The following CWF19L1 variants were observed in gnomAD, a reference collection of about 807,000 sequenced individuals.
The protein encoded by CWF19L1 is CWF19-like protein 1.
A neutral mutation model predicts 69.7 loss-of-function variants in CWF19L1; 60 were observed. That is an observed-to-expected ratio of 0.86 (90% CI 0.70 to 1.07). The LOEUF (loss-of-function observed/expected upper bound fraction) is 1.07. Ranked by LOEUF, CWF19L1 falls within the 50% of genes least tolerant of loss-of-function variation. CWF19L1 has a pLI of 0.00. For missense variants in CWF19L1, 591 were observed against 638.9 expected (o/e 0.92, Z 0.81); for synonymous variants, 209 against 222.2 (o/e 0.94, Z 0.53).
At chr10:100,253,757 T>G (rs908545042) in intron 5 of CWF19L1, 1 of 431,254 alleles carries the variant, frequency 2.3e-6, no homozygotes, top group Admixed American at 4.2e-5. Flanking sequence ...GAACAACTGT[T>G]GGAAGCCAGA....
At position 100,256,465 on chromosome 10, in the gene CWF19L1, T is replaced by C. The variant is rs1482401129; in HGVS notation, c.301A>G (p.Ile101Val). 3 of 1,614,158 alleles carry C rather than the reference T, an allele frequency of 1.9e-6. No individual in the cohort carries two copies. The highest frequency in any genetic ancestry group is 1.1e-5 in the South Asian group (1 of 91,090). Residue 101 changes from isoleucine (I) to valine (V), a missense_variant, in exon 5 of 14, where the codon ATC becomes GTC. Transcript: ENST00000354105. The part of the protein sequence containing the change: ...ENITYLGRKG[I>V]FTGSSGLQIV... ...TGCAGCCCCGAGCTTCCAGTGAAGA[T>C]ACCTTTACGACCTGGGTTCAAAGAA...
intron 13 of CWF19L1, among the ~76,000 whole-genome samples, 160 bp downstream of exon 13, chr10:100,235,507 A>G (rs1023662336): frequency 1.3e-5 from 2 of 152,186 alleles, no homozygotes; most frequent in Admixed American, 1.3e-4. Context: ...CACATTCTAC[A>G]TTACATTACT....
intron 7 of CWF19L1, 125 bp from the exon 8 acceptor site, chr10:100,247,060 C>T: frequency 1.2e-6 from 1 of 821,550 alleles, no homozygotes; most frequent in Non-Finnish European, 1.8e-6. Flanking sequence ...AGAACAGCAA[C>T]CAGCCCATCC....
In CWF19L1 at chr10:100,245,836, G is replaced by C; in HGVS notation, c.927C>G (p.Ser309Arg). 6.2e-7 allele frequency: 1 copy of C among 1,614,166 alleles called. No individual in the cohort carries two copies. Among genetic ancestry groups the C allele is most frequent in the Non-Finnish European group, 8.5e-7 (1 of 1,179,992 alleles). ...GCTGCTTTGGATGAGGAGAAGATTT[G>C]CTATCTCTACCTGTGGATGAACGCT... ...GRKRSSTGRDSKSSPHPKQPR... is the reference protein window; with the variant it reads ...GRKRSSTGRDRKSSPHPKQPR... Residue 309 changes from serine (S) to arginine (R), a missense_variant, in exon 9 of 14, where the codon AGC becomes AGG. Ser to Arg is a moderately radical substitution (Grantham distance 110). This residue lies in a region of CWF19L1 where 458 missense variants were observed against 489.3 expected (regional missense o/e 0.94). Transcript: ENST00000354105.
At chr10:100,264,221 A>C (rs1389359343) in intron 1 of CWF19L1, among the ~76,000 whole-genome samples, 1 of 152,246 alleles carries the variant, frequency 6.6e-6, no homozygotes, top group African/African-American at 2.4e-5. Context: ...AATGATAATA[A>C]ACAACTATGT....
intron 4 of CWF19L1, among the ~76,000 whole-genome samples, chr10:100,259,582 T>C (rs1401224930): frequency 6.6e-6 from 1 of 152,190 alleles, no homozygotes; most frequent in Admixed American, 6.6e-5. Flanking sequence ...ACATAATTTA[T>C]ACCTTAAGTA....
intron 11 of CWF19L1, chr10:100,237,402 A>C (rs1846480603): frequency 2.5e-6 from 1 of 397,660 alleles, no homozygotes; most frequent in African/African-American, 2.1e-5. Flanking sequence ...GCCTCCACAC[A>C]AAATACTCAC....
At chr10:100,243,505 G>A (rs1846703476) in intron 10 of CWF19L1, among the ~76,000 whole-genome samples, 193 bp downstream of exon 10, 1 of 152,164 alleles carries the variant, frequency 6.6e-6, no homozygotes, top group African/African-American at 2.4e-5. Flanking sequence ...ATGGGCATAA[G>A]AGATCTTACT....
chr10:100,262,534 C>G (rs1268215580), intron 1 of CWF19L1: 1 of 876,292 alleles, frequency 1.1e-6, no homozygotes, highest in Non-Finnish European at 1.4e-6. Context: ...ACGCTAAGTA[C>G]AATATGCCAA....
intron 5 of CWF19L1, 119 bp from the exon 6 acceptor site, chr10:100,253,658 G>A: frequency 1.6e-6 from 1 of 618,108 alleles, no homozygotes; most frequent in South Asian, 2.2e-5. Flanking sequence ...GTGGACAGAA[G>A]GAACTGCACA....
chr10:100,233,138 A>T lies in CWF19L1; in HGVS notation c.*89T>A. 7.4e-7 allele frequency: 1 copy of T among 1,352,792 alleles called. No individual in the cohort carries two copies. Among genetic ancestry groups the T allele is most frequent in the Non-Finnish European group, 9.9e-7 (1 of 1,007,554 alleles). 83.8% of individuals were successfully genotyped at this position (1,352,792 alleles called of 1,614,324 possible). Reference sequence around the variant, plus strand: ...AATCCTGCTTGGGTGACAGAGCGAGACTTTGTCTCAAAAAAAATTCTTTTA... The same window carrying T: ...AATCCTGCTTGGGTGACAGAGCGAGTCTTTGTCTCAAAAAAAATTCTTTTA... On this transcript the variant is annotated 3_prime_UTR_variant, in exon 14 of 14. Coordinates refer to ENST00000354105, the MANE Select transcript of CWF19L1 (RefSeq NM_018294.6).
intron 10 of CWF19L1, among the ~76,000 whole-genome samples, chr10:100,240,147 C>T (rs1270592555): frequency 3.9e-5 from 6 of 152,164 alleles, no homozygotes; most frequent in African/African-American, 1.4e-4. Flanking sequence ...CTGTTCTATA[C>T]TAGAATTATC....
At chr10:100,264,270 G>C (rs572597577) in intron 1 of CWF19L1, among the ~76,000 whole-genome samples, 1 of 152,318 alleles carries the variant, frequency 6.6e-6, no homozygotes, top group Non-Finnish European at 1.5e-5. Context: ...CTATGGCCAG[G>C]TGCGGTGGCT....
intron 10 of CWF19L1, among the ~76,000 whole-genome samples, chr10:100,241,098 C>G (rs1471218314): frequency 6.7e-6 from 1 of 148,452 alleles, no homozygotes; most frequent in African/African-American, 2.5e-5. Flanking sequence ...ACCTCCACCT[C>G]CCAGGTTCAA....
intron 7 of CWF19L1, among the ~76,000 whole-genome samples, chr10:100,247,916 T>G (rs1846883253): frequency 6.6e-6 from 1 of 151,836 alleles, no homozygotes; most frequent in East Asian, 1.9e-4. Context: ...ACAAAAACTT[T>G]GACTTGATCC....
intron 10 of CWF19L1, among the ~76,000 whole-genome samples, chr10:100,240,357 CAAAA>C (rs1456341971): frequency 4.6e-5 from 7 of 151,856 alleles, no homozygotes; most frequent in Admixed American, 4.6e-4. Flanking sequence ...ATTTAAAAAA[CAAAA>C]AAAGGCAATC....
chr10:100,262,901 C>T (rs959241255), intron 1 of CWF19L1, among the ~76,000 whole-genome samples: 2 of 151,004 alleles, frequency 1.3e-5, no homozygotes, highest in African/African-American at 4.9e-5. Context: ...CTCTTTCTGG[C>T]GTGCTTTTAT....
chr10:100,264,211 AATG>A (rs1301826805), intron 1 of CWF19L1, among the ~76,000 whole-genome samples: 1 of 152,260 alleles, frequency 6.6e-6, no homozygotes, highest in Admixed American at 6.5e-5. Context: ...AATATTTGAT[AATG>A]ATAATAAACA....
chr10:100,258,828 T>G (rs1213617575), intron 4 of CWF19L1, among the ~76,000 whole-genome samples: 1 of 150,496 alleles, frequency 6.6e-6, no homozygotes. Context: ...AGAGGACATT[T>G]ACAGCAAAGG....
Sources: allele counts gnomAD v4.1 joint callset (sites outside exome capture counted in the v4.1 genomes callset), GRCh38; gene constraint gnomAD v4.1.1; regional missense constraint gnomAD v4.1.1; transcripts MANE v1.5; gene names NCBI Gene and HGNC (gene_info 2026-07-23, HGNC 2026-07-21).